Variants in UGT1A7 observed in about 807,000 individuals in gnomAD.
UGT1A7 encodes the protein UDP-glucuronosyltransferase 1A7.
Under a neutral mutation model 45.6 loss-of-function variants are expected in UGT1A7, and 33 were observed. That is an observed-to-expected ratio of 0.72 (90% CI 0.55 to 0.97). The LOEUF (loss-of-function observed/expected upper bound fraction) is 0.97, where lower values mean the gene tolerates loss of function less well. UGT1A7 is among the 50% of genes least tolerant of loss of function. The pLI, the probability that UGT1A7 is intolerant of heterozygous loss-of-function variation, is 0.00. For synonymous variants in UGT1A7, 274 were observed against 250.6 expected (o/e 1.09, Z -0.88); for missense variants, 684 against 666.2 (o/e 1.03, Z -0.29).
chr2:233,713,150 G>C (rs190570057), intron 1 of UGT1A7: 82 of 1,614,120 alleles, frequency 5.1e-5, no homozygotes, highest in Non-Finnish European at 6.3e-5. Flanking sequence ...ACCTCCATGC[G>C]AGAGGCCACC....
Position 233,754,880 on chromosome 2 carries a change from C to T in UGT1A7, c.856-12154C>T, listed in dbSNP as rs764187223. Reference sequence around the variant, plus strand: ...GTGCAGACCCTCTGCTTCTGCTTCCCAGGGAGTTCCTCTGACCCCCCAAAA... The same window carrying T: ...GTGCAGACCCTCTGCTTCTGCTTCCTAGGGAGTTCCTCTGACCCCCCAAAA... On this transcript the variant is annotated intron_variant, in intron 1 of 4. Transcript: ENST00000373426. 3.0e-6 allele frequency: 4 copies of T among 1,352,340 alleles called. No homozygotes were observed. The South Asian group carries it at 4.6e-5, about 15-fold the overall frequency. The allele number at this position is 1,352,340 out of a possible 1,614,324, so 83.8% of individuals were successfully genotyped here.
intron 1 of UGT1A7, among the ~76,000 whole-genome samples, chr2:233,699,536 C>G (rs1417516253): frequency 6.6e-6 from 1 of 152,218 alleles, no homozygotes; most frequent in Non-Finnish European, 1.5e-5. Context: ...CAGGGCCATT[C>G]ACATCATAGA....
intron 1 of UGT1A7, chr2:233,741,903 G>C (rs984668185): frequency 2.0e-5 from 3 of 151,860 alleles, no homozygotes; most frequent in Non-Finnish European, 4.4e-5. Context: ...GACCCTTTGT[G>C]ATGGAAAAGG....
Position 233,700,950 on chromosome 2 carries a change from A to G in UGT1A7, c.855+18158A>G, listed in dbSNP as rs146993694. The stretch of plus-strand genomic sequence containing the variant: ...GTGTGTGATTGTTCAATTCCCACCT[A>G]TGAGTGAGAACATGCGGTGTTTGAT... On this transcript the variant is annotated intron_variant, in intron 1 of 4. Coordinates refer to ENST00000373426, the MANE Select transcript of UGT1A7 (RefSeq NM_019077.3). Among the ~76,000 whole-genome samples, 245 of 151,526 alleles carry G rather than the reference A, an allele frequency of 1.6e-3. 4 individuals are homozygous for G. The East Asian group carries it at 0.036, about 22-fold the overall frequency.
chr2:233,717,373 A>G (rs1210883580), intron 1 of UGT1A7, among the ~76,000 whole-genome samples: 1 of 152,192 alleles, frequency 6.6e-6, no homozygotes, highest in Admixed American at 6.5e-5. Context: ...TCAAGCCCTT[A>G]CAGACCTGCC....
At chr2:233,700,189 G>A (rs954345337) in intron 1 of UGT1A7, among the ~76,000 whole-genome samples, 2 of 152,162 alleles carry the variant, frequency 1.3e-5, no homozygotes, top group Non-Finnish European at 2.9e-5. Context: ...TGAAATCTCA[G>A]CCTTTGTTGG....
intron 4 of UGT1A7, chr2:233,770,755 A>G (rs1050140831): frequency 6.6e-6 from 1 of 152,202 alleles, no homozygotes; most frequent in Non-Finnish European, 1.5e-5. Flanking sequence ...AAGTACTAAT[A>G]TTACATTATA....
chr2:233,720,944 CAT>C (rs1354366294), intron 1 of UGT1A7, among the ~76,000 whole-genome samples: 52 of 150,934 alleles, frequency 3.4e-4, no homozygotes, highest in African/African-American at 1.1e-3. Flanking sequence ...CTCCTGACCT[CAT>C]GTGATCTGCC....
intron 1 of UGT1A7, chr2:233,743,449 G>C (rs771301493): frequency 7.3e-7 from 1 of 1,365,064 alleles, no homozygotes; most frequent in South Asian, 1.1e-5. Flanking sequence ...TGTATCAAAA[G>C]AAGAAAAAAC....
In UGT1A7 at chr2:233,773,045, T is replaced by C. The variant is rs1700563904; in HGVS notation, c.*486T>C. ...GTGTGTTTAAAGAAGGGAAGCTTTG[T>C]ACCTTTAGAGTGTAGGTGAAATGAA... On this transcript the variant is annotated 3_prime_UTR_variant, in exon 5 of 5. Transcript: ENST00000373426. 1 of 194,454 alleles carries C rather than the reference T, an allele frequency of 5.1e-6. No homozygotes were observed. Among genetic ancestry groups the C allele is most frequent in the Non-Finnish European group, 1.1e-5 (1 of 92,946 alleles). The allele number at this position is 194,454 out of a possible 1,614,324, so 12.0% of individuals were successfully genotyped here.
chr2:233,713,475 G>A, intron 1 of UGT1A7: 1 of 1,614,044 alleles, frequency 6.2e-7, no homozygotes, highest in Non-Finnish European at 8.5e-7. Flanking sequence ...GGCGGTGCTG[G>A]CTAAGTACCT....
intron 1 of UGT1A7, among the ~76,000 whole-genome samples, chr2:233,762,341 A>C (rs1325926558): frequency 6.6e-6 from 1 of 152,206 alleles, no homozygotes; most frequent in Non-Finnish European, 1.5e-5. Flanking sequence ...AGCTCTTTTT[A>C]GTTCTTTGTA....
At chr2:233,747,573 T>C (rs1169792054) in intron 1 of UGT1A7, 7 of 1,587,232 alleles carry the variant, frequency 4.4e-6, no homozygotes, top group African/African-American at 1.4e-5. Flanking sequence ...GAAAAATTCA[T>C]CTTTGGTCTT....
intron 1 of UGT1A7, among the ~76,000 whole-genome samples, chr2:233,696,312 G>A (rs1281936053): frequency 6.6e-6 from 1 of 152,138 alleles, no homozygotes; most frequent in African/African-American, 2.4e-5. Flanking sequence ...TATATATTTG[G>A]TCTTCATCCT....
chr2:233,734,899 T>C (rs182449879), intron 1 of UGT1A7, among the ~76,000 whole-genome samples: 2 of 152,328 alleles, frequency 1.3e-5, no homozygotes, highest in East Asian at 3.9e-4. Flanking sequence ...TGATTTCTAT[T>C]CTTTTACATT....
intron 1 of UGT1A7, among the ~76,000 whole-genome samples, chr2:233,758,985 G>GT (rs1383466743): frequency 1.3e-5 from 2 of 152,320 alleles, no homozygotes; most frequent in African/African-American, 4.8e-5. Flanking sequence ...TCTTGGGCCA[G>GT]TGGAATGAGT....
intron 1 of UGT1A7, among the ~76,000 whole-genome samples, chr2:233,685,008 C>T (rs982107066): frequency 2.0e-5 from 3 of 152,050 alleles, no homozygotes; most frequent in African/African-American, 7.2e-5. Flanking sequence ...GGTGTTTGTG[C>T]ACGTATGTGT....
At chr2:233,739,280 A>G (rs1046520383) in intron 1 of UGT1A7, among the ~76,000 whole-genome samples, 11 of 152,210 alleles carry the variant, frequency 7.2e-5, no homozygotes, top group African/African-American at 2.7e-4. Context: ...GCCCCCACAC[A>G]GAGTCTCCAC....
In UGT1A7 at chr2:233,743,994, T is replaced by A. The variant is rs60469444; in HGVS notation, c.856-23040T>A. ...GCCAGCACCCAGGCGCAGGCCCGAGTGCTCGGAGACCTGGGCCGCCTGGAG... is the reference window on the plus strand; with the variant it reads ...GCCAGCACCCAGGCGCAGGCCCGAGAGCTCGGAGACCTGGGCCGCCTGGAG... On this transcript the variant is annotated intron_variant, in intron 1 of 4. Transcript: ENST00000373426. The A allele has an allele frequency of 4.3e-3, 5,381 of 1,253,154 alleles. 300 individuals are homozygous for A. The African/African-American group carries it at 0.076, about 18-fold the overall frequency. 77.6% of individuals were successfully genotyped at this position (1,253,154 alleles called of 1,614,324 possible). A position where few individuals can be genotyped will look rare whatever the true frequency, so the allele number is the denominator to read the frequency against.
Sources: gnomAD v4.1 joint callset for allele counts (sites outside exome capture counted in the v4.1 genomes callset) on GRCh38, gnomAD v4.1.1 for gene constraint, MANE v1.5 for transcripts, NCBI Gene and HGNC (gene_info 2026-07-23, HGNC 2026-07-21) for gene names.